NPLOC4: variants seen among roughly 807,000 people sequenced by gnomAD.
NPLOC4 encodes nuclear protein localization protein 4 homolog.
A neutral mutation model predicts 80.6 loss-of-function variants in NPLOC4; 18 were observed. That is an observed-to-expected ratio of 0.22 (90% CI 0.15 to 0.33). The LOEUF (loss-of-function observed/expected upper bound fraction) is 0.33, where lower values mean the gene tolerates loss of function less well. Among genes scored for constraint, NPLOC4 ranks in the 10% least tolerant of loss-of-function variants. The pLI is 1.00. For missense variants in NPLOC4, 540 were observed against 786.1 expected, an observed-to-expected ratio of 0.69 and a Z score of 3.74; for synonymous variants, 313 against 301.5, an observed-to-expected ratio of 1.04 and a Z score of -0.39.
At chr17:81,566,125 A>G (rs2034004993) in intron 15 of NPLOC4, among the ~76,000 whole-genome samples, 1 of 152,216 alleles carries the variant, frequency 6.6e-6, no homozygotes, top group Non-Finnish European at 1.5e-5. Context: ...CGAGGTCAGG[A>G]GTTTGAGACC....
chr17:81,570,332 C>G (rs918059329), intron 13 of NPLOC4, among the ~76,000 whole-genome samples: 4 of 152,164 alleles, frequency 2.6e-5, no homozygotes, highest in African/African-American at 9.7e-5. Flanking sequence ...GGGGCTGGTA[C>G]ACATAGTGTT....
chr17:81,624,259 A>C (rs1005130736), intron 2 of NPLOC4, among the ~76,000 whole-genome samples: 1 of 151,950 alleles, frequency 6.6e-6, no homozygotes, highest in Non-Finnish European at 1.5e-5. Context: ...TTTCTACTAA[A>C]ATACAAAAAT....
intron 12 of NPLOC4, among the ~76,000 whole-genome samples, chr17:81,585,609 C>T (rs576778168): frequency 4.1e-5 from 6 of 147,710 alleles, no homozygotes; most frequent in African/African-American, 7.7e-5. Context: ...TGCAGTGAGC[C>T]GAGATCAGGC....
intron 1 of NPLOC4, among the ~76,000 whole-genome samples, chr17:81,631,860 C>T (rs1298453074): frequency 1.3e-5 from 2 of 151,988 alleles, no homozygotes; most frequent in Non-Finnish European, 2.9e-5. Context: ...AGTACAATGG[C>T]GCAATCTTGG....
intron 2 of NPLOC4, among the ~76,000 whole-genome samples, chr17:81,627,186 C>T (rs1201719832): frequency 6.6e-6 from 1 of 150,746 alleles, no homozygotes; most frequent in Non-Finnish European, 1.5e-5. Flanking sequence ...GTCAGGAGAT[C>T]GAGACCATCC....
At chr17:81,618,341 T>C (rs1306902473) in intron 3 of NPLOC4, among the ~76,000 whole-genome samples, 2 of 136,064 alleles carry the variant, frequency 1.5e-5, no homozygotes, top group South Asian at 2.6e-4. Context: ...CGCCTCTGCC[T>C]GGCCGCGACC....
At chr17:81,574,373 C>T (rs924477384) in intron 12 of NPLOC4, among the ~76,000 whole-genome samples, 4 of 152,202 alleles carry the variant, frequency 2.6e-5, no homozygotes, top group African/African-American at 9.7e-5. Flanking sequence ...GTTGTATCCC[C>T]CTTTCCTCCC....
At chr17:81,615,003 G>A (rs1366878466) in intron 3 of NPLOC4, among the ~76,000 whole-genome samples, 1 of 152,096 alleles carries the variant, frequency 6.6e-6, no homozygotes, top group Non-Finnish European at 1.5e-5. Flanking sequence ...TGGGGCTCAG[G>A]TGCAGCTCTT....
chr17:81,581,304 G>C (rs1266819036), intron 12 of NPLOC4, among the ~76,000 whole-genome samples: 1 of 141,470 alleles, frequency 7.1e-6, no homozygotes, highest in African/African-American at 2.7e-5. Context: ...AGCCGAGATT[G>C]GGCCACTGCA....
At chr17:81,565,926 C>A (rs1412139539) in intron 15 of NPLOC4, among the ~76,000 whole-genome samples, 1 of 152,240 alleles carries the variant, frequency 6.6e-6, no homozygotes, top group Non-Finnish European at 1.5e-5. Context: ...GGGCGGAAGT[C>A]TTGACTGTGA....
chr17:81,589,982 C>A (rs2034694271), intron 11 of NPLOC4, among the ~76,000 whole-genome samples: 1 of 152,088 alleles, frequency 6.6e-6, no homozygotes, highest in African/African-American at 2.4e-5. Flanking sequence ...TCCCTAGGCT[C>A]ACGGTAAGGA....
chr17:81,608,645 C>T, intron 6 of NPLOC4, 83 bp downstream of exon 6: 1 of 950,120 alleles, frequency 1.1e-6, no homozygotes, highest in Non-Finnish European at 1.7e-6. Flanking sequence ...TTCTCTCATT[C>T]ACACGTTCAC....
intron 12 of NPLOC4, among the ~76,000 whole-genome samples, chr17:81,576,126 C>G (rs1274232421): frequency 6.6e-6 from 1 of 152,198 alleles, no homozygotes; most frequent in Non-Finnish European, 1.5e-5. Context: ...CCTTGTTTTA[C>G]AATGAACAGT....
chr17:81,629,815 A>T lies in NPLOC4; in HGVS notation c.16-10T>A. 1 of 1,603,202 alleles carries T rather than the reference A, an allele frequency of 6.2e-7. No individual in the cohort carries two copies. The highest frequency in any genetic ancestry group is 8.5e-7 in the Non-Finnish European group (1 of 1,170,402). On this transcript the variant is annotated splice_polypyrimidine_tract_variant and intron_variant, in intron 1 of 16. Coordinates refer to ENST00000331134, the MANE Select transcript of NPLOC4 (RefSeq NM_017921.4). ...ACTGGACACGAATTATCTGTTGCAA[A>T]CAAAACATGATGGTTACTGCACAGC...
At chr17:81,609,348 G>A (rs1598662976) in intron 5 of NPLOC4, among the ~76,000 whole-genome samples, 1 of 152,108 alleles carries the variant, frequency 6.6e-6, no homozygotes, top group East Asian at 1.9e-4. Flanking sequence ...GGGGTCTCAT[G>A]CTGTTGCCCA....
chr17:81,630,709 T>C (rs1165764759), intron 1 of NPLOC4, among the ~76,000 whole-genome samples: 1 of 151,556 alleles, frequency 6.6e-6, no homozygotes, highest in Non-Finnish European at 1.5e-5. Flanking sequence ...GGAAACCCCA[T>C]CTCTACTAAA....
intron 12 of NPLOC4, among the ~76,000 whole-genome samples, chr17:81,583,656 T>C (rs1301785483): frequency 6.6e-6 from 1 of 152,178 alleles, no homozygotes; most frequent in East Asian, 1.9e-4. Flanking sequence ...GACACAAATG[T>C]GCCTTCAAAT....
intron 3 of NPLOC4, among the ~76,000 whole-genome samples, chr17:81,616,426 CA>C (rs1408425861): frequency 6.6e-6 from 1 of 151,570 alleles, no homozygotes. Context: ...ACCAAAAATC[CA>C]AATGTAGAAG....
chr17:81,636,866 T>C (rs867852729), intron 1 of NPLOC4, 50 bp downstream of exon 1: 2 of 1,391,780 alleles, frequency 1.4e-6, no homozygotes, highest in Middle Eastern at 2.4e-4. Context: ...GGCCGGCAAA[T>C]CTGCTGCCTC....
Sources: gnomAD v4.1 joint callset for allele counts (sites outside exome capture counted in the v4.1 genomes callset) on GRCh38, gnomAD v4.1.1 for gene constraint, MANE v1.5 for transcripts, NCBI Gene and HGNC (gene_info 2026-07-23, HGNC 2026-07-21) for gene names.